SNX29: variants seen among roughly 807,000 people sequenced by gnomAD.
SNX29 encodes sorting nexin-29.
SNX29 carries 78 observed loss-of-function variants against 102.1 expected under a neutral mutation model. That is an observed-to-expected ratio of 0.76 (90% CI 0.64 to 0.92). The LOEUF (loss-of-function observed/expected upper bound fraction) is 0.92. Among genes scored for constraint, SNX29 ranks in the 40% least tolerant of loss-of-function variants. SNX29 has a pLI of 0.00. For synonymous variants in SNX29, 580 were observed against 414.5 expected (o/e 1.40, Z -4.85); for missense variants, 1,280 against 1,061.7 (o/e 1.21, Z -2.86).
chr16:12,260,257 G>A (rs2142478758), intron 14 of SNX29, among the ~76,000 whole-genome samples: 1 of 152,362 alleles, frequency 6.6e-6, no homozygotes, highest in Non-Finnish European at 1.5e-5. Flanking sequence ...AGGCGTCCTT[G>A]TTCCAGCCTT....
chr16:12,421,163 C>G (rs1023573331), intron 18 of SNX29, among the ~76,000 whole-genome samples: 8 of 152,198 alleles, frequency 5.3e-5, no homozygotes, highest in African/African-American at 1.9e-4. Context: ...GATCCACAAT[C>G]TTTCGAAACC....
At chr16:12,484,445 A>G (rs2088127318) in intron 19 of SNX29, among the ~76,000 whole-genome samples, 3 of 152,126 alleles carry the variant, frequency 2.0e-5, no homozygotes, top group African/African-American at 4.8e-5. Flanking sequence ...TGTACAACAT[A>G]AATCTGATTG....
chr16:12,475,531 T>C (rs2087551759), intron 18 of SNX29, among the ~76,000 whole-genome samples: 1 of 152,092 alleles, frequency 6.6e-6, no homozygotes, highest in African/African-American at 2.4e-5. Flanking sequence ...CCATTGTGAG[T>C]TGAAAATATC....
chr16:12,555,872 G>A (rs534977393), intron 20 of SNX29, among the ~76,000 whole-genome samples: 8 of 152,196 alleles, frequency 5.3e-5, no homozygotes, highest in Admixed American at 2.6e-4. Flanking sequence ...TTCTCCAGAG[G>A]CCGTGCTTTC....
chr16:12,253,145 G>T (rs2078470950), intron 14 of SNX29, among the ~76,000 whole-genome samples: 2 of 152,182 alleles, frequency 1.3e-5, no homozygotes, highest in South Asian at 4.1e-4. Context: ...CATGTGCCAG[G>T]CAAGTGCTTG....
intron 13 of SNX29, chr16:12,135,576 T>C (rs560303942): frequency 2.5e-5 from 33 of 1,335,550 alleles, no homozygotes; most frequent in African/African-American, 5.9e-5. Context: ...TGTGAGGAGA[T>C]TCTAACCCCA....
chr16:12,230,532 C>CT (rs1348971447), intron 14 of SNX29, among the ~76,000 whole-genome samples: 3 of 152,176 alleles, frequency 2.0e-5, no homozygotes, highest in Non-Finnish European at 4.4e-5. Flanking sequence ...TGCCTAAATA[C>CT]TGGAAGGGCC....
At chr16:12,145,861 G>T (rs1240963588) in intron 13 of SNX29, among the ~76,000 whole-genome samples, 1 of 152,152 alleles carries the variant, frequency 6.6e-6, no homozygotes, top group African/African-American at 2.4e-5. Context: ...TCCCTTGTAG[G>T]ATTAGTATTT....
At chr16:12,337,857 T>C (rs189701800) in intron 15 of SNX29, among the ~76,000 whole-genome samples, 5 of 152,158 alleles carry the variant, frequency 3.3e-5, no homozygotes, top group Admixed American at 3.3e-4. Context: ...CTTTATGTCC[T>C]GGGTATAAAA....
chr16:12,558,944 G>T (rs12162092), intron 20 of SNX29, among the ~76,000 whole-genome samples: 4 of 152,066 alleles, frequency 2.6e-5, no homozygotes, highest in African/African-American at 4.8e-5. Context: ...GGTTGATATC[G>T]GCCCCATGTT....
chr16:12,263,983 A>T (rs1444827383), intron 14 of SNX29, among the ~76,000 whole-genome samples: 1 of 152,228 alleles, frequency 6.6e-6, no homozygotes. Context: ...CACCATTGCC[A>T]TCCATGGAGC....
At chr16:12,169,800 T>C (rs2052349948) in intron 13 of SNX29, among the ~76,000 whole-genome samples, 1 of 151,948 alleles carries the variant, frequency 6.6e-6, no homozygotes, top group Non-Finnish European at 1.5e-5. Context: ...AGGCGGAGGT[T>C]GCAGTGAGCT....
chr16:12,340,897 G>A (rs1243081340), intron 15 of SNX29, among the ~76,000 whole-genome samples: 3 of 152,060 alleles, frequency 2.0e-5, no homozygotes, highest in African/African-American at 4.8e-5. Context: ...CACTAAAGGG[G>A]CCCCTATCCT....
intron 14 of SNX29, among the ~76,000 whole-genome samples, chr16:12,268,549 T>G (rs2079001499): frequency 1.3e-5 from 2 of 152,172 alleles, no homozygotes; most frequent in Admixed American, 1.3e-4. Context: ...ACCGGTGTCT[T>G]GTAGACATCA....
At chr16:12,153,524 A>C (rs920961939) in intron 13 of SNX29, among the ~76,000 whole-genome samples, 16 of 150,492 alleles carry the variant, frequency 1.1e-4, no homozygotes, top group Admixed American at 4.6e-4. Flanking sequence ...CCCAGGCTGG[A>C]GTGCAGTGGC....
At chr16:12,556,515 A>C (rs1014544225) in intron 20 of SNX29, 1 of 152,320 alleles carries the variant, frequency 6.6e-6, no homozygotes, top group Non-Finnish European at 1.5e-5. Context: ...CCGTGTTGCC[A>C]GAGGAAGTGA....
At chr16:12,502,034 A>G (rs932329966) in intron 19 of SNX29, among the ~76,000 whole-genome samples, 7 of 152,140 alleles carry the variant, frequency 4.6e-5, no homozygotes, top group South Asian at 4.1e-4. Flanking sequence ...TGCCACTGCA[A>G]TGGAAAGGTT....
chr16:12,538,063 G>A (rs142763057), intron 20 of SNX29, among the ~76,000 whole-genome samples: 4 of 151,764 alleles, frequency 2.6e-5, no homozygotes, highest in Admixed American at 1.3e-4. Flanking sequence ...CGATCTTGGT[G>A]ACAGCTTTCT....
Position 12,028,400 on chromosome 16 carries a change from G to T in SNX29, c.247+956G>T, listed in dbSNP as rs1596634467. Reference sequence around the variant, plus strand: ...TTTTTTAGAGTTGGGGTCTTGCTCTGTTGCCCAGGCTGAAGTGCAGTGGTG... The same window carrying T: ...TTTTTTAGAGTTGGGGTCTTGCTCTTTTGCCCAGGCTGAAGTGCAGTGGTG... On this transcript the variant is annotated intron_variant, in intron 4 of 20. Transcript: ENST00000566228. Among the ~76,000 whole-genome samples the T allele has an allele frequency of 2.0e-5, 3 of 152,050 alleles. No individual in the cohort carries two copies. The Middle Eastern group carries it at 0.01, about 517-fold the overall frequency.
Sources: allele counts gnomAD v4.1 joint callset (sites outside exome capture counted in the v4.1 genomes callset), GRCh38; gene constraint gnomAD v4.1.1; transcripts MANE v1.5; gene names NCBI Gene and HGNC (gene_info 2026-07-23, HGNC 2026-07-21).